The following SYNPR variants were observed in gnomAD, a reference collection of about 807,000 sequenced individuals.
SYNPR encodes synaptoporin.
A neutral mutation model predicts 32.9 loss-of-function variants in SYNPR; 23 were observed. That is an observed-to-expected ratio of 0.70 (90% confidence interval 0.50 to 0.99). The LOEUF (loss-of-function observed/expected upper bound fraction) is 0.99, where lower values mean the gene tolerates loss of function less well. Ranked by LOEUF, SYNPR falls within the 50% of genes least tolerant of loss-of-function variation. SYNPR has a pLI of 0.00. For missense variants in SYNPR, 318 were observed against 349.3 expected (o/e 0.91, Z 0.71); for synonymous variants, 146 against 135.9 (o/e 1.07, Z -0.52).
intron 2 of SYNPR, among the ~76,000 whole-genome samples, chr3:63,343,897 C>T (rs1214031480): frequency 1.3e-5 from 2 of 152,212 alleles, no homozygotes; most frequent in African/African-American, 4.8e-5. Flanking sequence ...CCTGCTGTTG[C>T]AATTCGTATT....
At chr3:63,357,654 T>C (rs966947113) in intron 2 of SYNPR, among the ~76,000 whole-genome samples, 3 of 152,178 alleles carry the variant, frequency 2.0e-5, no homozygotes, top group African/African-American at 4.8e-5. Context: ...GTTTTCTAGG[T>C]TCTGAGACTC....
At chr3:63,543,361 A>G (rs1702341424) in intron 3 of SYNPR, among the ~76,000 whole-genome samples, 2 of 152,132 alleles carry the variant, frequency 1.3e-5, no homozygotes, top group Admixed American at 1.3e-4. Flanking sequence ...TGTAAGACTT[A>G]TTTGTAGCAT....
intron 2 of SYNPR, among the ~76,000 whole-genome samples, chr3:63,328,682 A>G (rs975353534): frequency 1.1e-4 from 16 of 152,114 alleles, no homozygotes; most frequent in African/African-American, 3.4e-4. Flanking sequence ...TAAACATCCA[A>G]TTGGAGAGTT....
At chr3:63,513,391 C>G (rs1190030610) in intron 3 of SYNPR, among the ~76,000 whole-genome samples, 6 of 151,956 alleles carry the variant, frequency 3.9e-5, no homozygotes. Flanking sequence ...TGTTCTGTGA[C>G]TTGCTTAATC....
chr3:63,252,334 G>A (rs1300261673), intron 1 of SYNPR, among the ~76,000 whole-genome samples: 1 of 151,944 alleles, frequency 6.6e-6, no homozygotes, highest in Non-Finnish European at 1.5e-5. Context: ...TATCCTTCTT[G>A]TCTTTACATC....
At chr3:63,322,702 G>C (rs953172505) in intron 2 of SYNPR, among the ~76,000 whole-genome samples, 1 of 151,966 alleles carries the variant, frequency 6.6e-6, no homozygotes, top group Non-Finnish European at 1.5e-5. Flanking sequence ...ACAATCATTC[G>C]ACCTTCCAGT....
Position 63,463,983 on chromosome 3 carries a change from C to T in SYNPR, c.85-16849C>T, listed in dbSNP as rs368629022. Among the ~76,000 whole-genome samples, 186 of 152,164 alleles carry T rather than the reference C, an allele frequency of 1.2e-3. 2 individuals are homozygous for T. Among genetic ancestry groups the T allele is most frequent in the African/African-American group, 4.3e-3 (178 of 41,498 alleles). On this transcript the variant is annotated intron_variant, in intron 2 of 5. Coordinates refer to ENST00000478300, the MANE Select transcript of SYNPR (RefSeq NM_001130003.2). The stretch of plus-strand genomic sequence containing the variant: ...CCTTTTTTCGTAACATTTAGTTCTA[C>T]TTTTGTCTCTTACGTAACCACTTCT...
At chr3:63,540,336 A>C (rs1702276239) in intron 3 of SYNPR, among the ~76,000 whole-genome samples, 1 of 152,108 alleles carries the variant, frequency 6.6e-6, no homozygotes. Flanking sequence ...ACAGCAAGGA[A>C]GTGGTGGAGA....
chr3:63,470,242 T>A lies in SYNPR; in HGVS notation c.85-10590T>A, dbSNP rs1014850108. 2.4e-4 allele frequency among the ~76,000 whole-genome samples: 37 copies of A among 152,214 alleles called. 1 individual carries two copies. Among genetic ancestry groups the A allele is most frequent in the African/African-American group, 8.4e-4 (35 of 41,458 alleles). On this transcript the variant is annotated intron_variant, in intron 2 of 5. Coordinates refer to ENST00000478300, the MANE Select transcript of SYNPR (RefSeq NM_001130003.2). ...CAAAAATGCAATACATGTATTTACT[T>A]TTTTTGCTTTAAAAAGATTATAAAC...
intron 3 of SYNPR, among the ~76,000 whole-genome samples, chr3:63,487,512 T>A (rs941645292): frequency 6.6e-6 from 1 of 152,206 alleles, no homozygotes; most frequent in South Asian, 2.1e-4. Context: ...CTAGAAAAGA[T>A]ATTTATTCTG....
chr3:63,348,204 T>C (rs1355853706), intron 2 of SYNPR, among the ~76,000 whole-genome samples: 1 of 152,226 alleles, frequency 6.6e-6, no homozygotes, highest in Non-Finnish European at 1.5e-5. Flanking sequence ...TTTTATTGAC[T>C]TTTTAATAGC....
In SYNPR at chr3:63,285,432, G is replaced by A. The variant is rs907016673; in HGVS notation, c.84+6690G>A. 5.3e-5 allele frequency among the ~76,000 whole-genome samples: 8 copies of A among 152,150 alleles called. No homozygotes were observed. In the South Asian group the frequency reaches 1.2e-3, roughly 24 times the overall value. ...TTTTCTTCCTGTGTATAAACAAGAC[G>A]GGGAATTCTTACAGAAAATTTATTT... On this transcript the variant is annotated intron_variant, in intron 2 of 5. Coordinates refer to ENST00000478300, the MANE Select transcript of SYNPR (RefSeq NM_001130003.2).
At chr3:63,598,825 T>C (rs570860248) in intron 4 of SYNPR, among the ~76,000 whole-genome samples, 1 of 152,322 alleles carries the variant, frequency 6.6e-6, no homozygotes, top group Admixed American at 6.5e-5. Context: ...GCCTAATGTA[T>C]GTATGATAAC....
intron 3 of SYNPR, among the ~76,000 whole-genome samples, chr3:63,491,307 T>C (rs749364029): frequency 2.6e-5 from 4 of 152,094 alleles, no homozygotes; most frequent in Non-Finnish European, 5.9e-5. Context: ...TACAAAAAGT[T>C]AATGTAGACA....
intron 2 of SYNPR, among the ~76,000 whole-genome samples, chr3:63,320,113 C>T (rs1027115064): frequency 1.3e-5 from 2 of 152,044 alleles, no homozygotes; most frequent in East Asian, 2.0e-4. Flanking sequence ...CCATACCTGG[C>T]TAATTTTTTC....
In SYNPR at chr3:63,369,135, G is replaced by A. The variant is rs530818588; in HGVS notation, c.84+90393G>A. On this transcript the variant is annotated intron_variant, in intron 2 of 5. Transcript: ENST00000478300. ...GGGAACTTAATCCAATATGACTGGT[G>A]TCCTTTTAGGAAGTGAAAGAGACAC... is the stretch of plus-strand genomic sequence containing the variant. Among the ~76,000 whole-genome samples the A allele has an allele frequency of 1.3e-3, 196 of 152,238 alleles. 1 individual carries two copies. The highest frequency in any genetic ancestry group is 4.3e-3 in the African/African-American group (178 of 41,532).
At chr3:63,442,827 C>T (rs1253674205) in intron 2 of SYNPR, among the ~76,000 whole-genome samples, 1 of 152,144 alleles carries the variant, frequency 6.6e-6, no homozygotes, top group African/African-American at 2.4e-5. Flanking sequence ...GGGGATTATG[C>T]ATAACAGCTA....
chr3:63,598,871 C>T (rs970725815), intron 4 of SYNPR, among the ~76,000 whole-genome samples: 10 of 152,146 alleles, frequency 6.6e-5, no homozygotes, highest in African/African-American at 9.7e-5. Context: ...CTTCCATATC[C>T]ACACTATCTC....
At chr3:63,407,562 AAT>A (rs1367334643) in intron 2 of SYNPR, among the ~76,000 whole-genome samples, 1 of 152,192 alleles carries the variant, frequency 6.6e-6, no homozygotes, top group Non-Finnish European at 1.5e-5. Context: ...GTAAATGCTC[AAT>A]ATGTCTTAGC....
Sources: gnomAD v4.1 joint callset for allele counts (sites outside exome capture counted in the v4.1 genomes callset) on GRCh38, gnomAD v4.1.1 for gene constraint, MANE v1.5 for transcripts, NCBI Gene and HGNC (gene_info 2026-07-23, HGNC 2026-07-21) for gene names.